Variants in HECTD4 observed in about 807,000 individuals in gnomAD.
HECTD4 encodes the protein HECT domain E3 ubiquitin protein ligase 4.
In HECTD4, 114 loss-of-function variants were observed where a neutral mutation model predicts 471.5. The observed-to-expected ratio is 0.24, with a 90% CI of 0.21 to 0.28. The LOEUF (loss-of-function observed/expected upper bound fraction) is 0.28. HECTD4 is among the 10% of genes least tolerant of loss of function. HECTD4 has a pLI of 1.00. For missense variants in HECTD4, 3,866 were observed against 5,651.5 expected, an observed-to-expected ratio of 0.68 and a Z score of 10.13; for synonymous variants, 2,012 against 2,256.0, an observed-to-expected ratio of 0.89 and a Z score of 3.07.
chr12:112,363,285 T>C (rs1355501307), intron 1 of HECTD4, among the ~76,000 whole-genome samples: 1 of 148,968 alleles, frequency 6.7e-6, no homozygotes, highest in Admixed American at 6.6e-5. Context: ...CTCTCTCTCT[T>C]ATATATAAAG....
chr12:112,177,102 T>C (rs2031477265), intron 64 of HECTD4, among the ~76,000 whole-genome samples: 1 of 152,252 alleles, frequency 6.6e-6, no homozygotes, highest in African/African-American at 2.4e-5. Context: ...TAGGGGCTGC[T>C]GTACCCACCA....
rs577685822 is a variant in HECTD4 at position 112,239,815 on chromosome 12, T to C, written c.5105+66A>G. 7.0e-7 allele frequency: 1 copy of C among 1,424,114 alleles called. No individual in the cohort carries two copies. The highest frequency in any genetic ancestry group is 2.3e-5 in the East Asian group (1 of 43,210). 88.2% of individuals were successfully genotyped at this position (1,424,114 alleles called of 1,614,324 possible). On this transcript the variant is annotated intron_variant, in intron 33 of 75. Transcript: ENST00000682272. This position sits in a 1 kb window ranked among gnomAD's most constrained non-coding sequence, Gnocchi z 4.9. ...AAAATCCAATTTTTAAAATTAAAAA[T>C]ACTTTCACTTAATCGACTATACTGC...
intron 55 of HECTD4, 56 bp downstream of exon 55, chr12:112,200,582 G>A (rs2032392033): frequency 6.4e-7 from 1 of 1,555,564 alleles, no homozygotes; most frequent in Non-Finnish European, 8.8e-7. Context: ...GGTACATGTG[G>A]TAGAGCGAAG....
chr12:112,292,935 T>C (rs1353142825), intron 7 of HECTD4, among the ~76,000 whole-genome samples: 1 of 151,744 alleles, frequency 6.6e-6, no homozygotes, highest in Non-Finnish European at 1.5e-5. Context: ...GGCAGGAGAA[T>C]TGCTTGAACC....
At chr12:112,217,300 T>TACAC (rs138913540) in intron 45 of HECTD4, 105 bp from the exon 46 acceptor site, 13 of 603,698 alleles carry the variant, frequency 2.2e-5, no homozygotes, top group African/African-American at 8.3e-5. Flanking sequence ...AATATAGGCA[T>TACAC]ACACACACAC....
At chr12:112,254,583 A>C (rs1362110652) in intron 21 of HECTD4, among the ~76,000 whole-genome samples, 25 of 152,226 alleles carry the variant, frequency 1.6e-4, no homozygotes, top group Non-Finnish European at 8.8e-5. Flanking sequence ...GCAAATACAG[A>C]TGGAAATATG....
At chr12:112,221,903 C>T (rs1445226523) in intron 44 of HECTD4, among the ~76,000 whole-genome samples, 5 of 148,870 alleles carry the variant, frequency 3.4e-5, no homozygotes, top group Middle Eastern at 3.5e-3. Context: ...TACAGGCACT[C>T]GCCCCCATGC....
At chr12:112,208,234 G>T (rs1248631457) in intron 51 of HECTD4, among the ~76,000 whole-genome samples, 1 of 152,192 alleles carries the variant, frequency 6.6e-6, no homozygotes, top group African/African-American at 2.4e-5. Context: ...ACTTTCACAG[G>T]ATTCTGAACT....
In HECTD4 at chr12:112,167,850, C is replaced by G; in HGVS notation, c.12276G>C (p.Leu4092=). 1 of 1,613,696 alleles carries G rather than the reference C, an allele frequency of 6.2e-7. No homozygotes were observed. The highest frequency in any genetic ancestry group is 8.5e-7 in the Non-Finnish European group (1 of 1,179,874). The part of the protein sequence containing the change: ...KELQSSSLSL[L]LLCPSSAVNK... ...TGACAGCTGAGCTGGGGCACAGCAGCAGCAGCGACAGCGAGGAACTCTGCA... is the reference window on the plus strand; with the variant it reads ...TGACAGCTGAGCTGGGGCACAGCAGGAGCAGCGACAGCGAGGAACTCTGCA... The change falls in exon 71 of 76, where the codon CTG becomes CTC. Residue 4092 remains leucine (L), a synonymous_variant. Transcript: ENST00000682272.
Position 112,176,581 on chromosome 12 carries a change from C to T in HECTD4, c.11470+15G>A, listed in dbSNP as rs376185377. The T allele has an allele frequency of 6.8e-5, 107 of 1,581,462 alleles. No individual in the cohort carries two copies. The Admixed American group carries it at 9.0e-4, about 13-fold the overall frequency. On this transcript the variant is annotated intron_variant, in intron 65 of 75. Transcript: ENST00000682272. ...GTAGGTCCCAGCCCACTCCAGGCCC[C>T]GTCTGCTCATTCACCTTCTTGTTTT... is the stretch of plus-strand genomic sequence containing the variant.
At chr12:112,216,406 A>T (rs775000535) in intron 47 of HECTD4, 35 bp from the exon 48 acceptor site, 2 of 1,430,616 alleles carry the variant, frequency 1.4e-6, no homozygotes, top group South Asian at 2.5e-5. Context: ...GTCAAAGACA[A>T]GAAAGATAAG....
intron 2 of HECTD4, 136 bp from the exon 3 acceptor site, chr12:112,314,682 T>A (rs2035443387): frequency 3.3e-6 from 2 of 607,682 alleles, no homozygotes; most frequent in Non-Finnish European, 5.8e-6. Context: ...GATGATGTGT[T>A]GTAAAAAAAA....
Position 112,228,256 on chromosome 12 carries a change from T to C in HECTD4, c.6687A>G (p.Ala2229=). The C allele has an allele frequency of 6.3e-7, 1 of 1,586,026 alleles. No homozygotes were observed. Among genetic ancestry groups the C allele is most frequent in the Non-Finnish European group, 8.6e-7 (1 of 1,168,954 alleles). ...TAATGGACAGTTTATGAAGAGGCAATGCCTGATGGCGGTGGGGGGGCATGG... is the reference window on the plus strand; with the variant it reads ...TAATGGACAGTTTATGAAGAGGCAACGCCTGATGGCGGTGGGGGGGCATGG... The part of the protein sequence containing the change: ...LSRLCVPRSE[A]LPLHKLSITE... The change falls in exon 43 of 76, where the codon GCA becomes GCG. Residue 2229 remains alanine, a splice_region_variant and synonymous_variant. Coordinates refer to ENST00000682272, the MANE Select transcript of HECTD4 (RefSeq NM_001388303.1). The surrounding 1 kb of genome is among the most constrained non-coding windows in gnomAD (Gnocchi z 4.9).
rs1163384462 is a variant in HECTD4 at position 112,269,768 on chromosome 12, A to G, written c.2257T>C (p.Leu753=). 6 of 1,613,888 alleles carry G rather than the reference A, an allele frequency of 3.7e-6. No individual in the cohort carries two copies. The highest frequency in any genetic ancestry group is 5.1e-6 in the Non-Finnish European group (6 of 1,179,890). Residue 753 remains leucine, a synonymous_variant, in exon 13 of 76, where the codon TTG becomes CTG. Transcript: ENST00000682272. ...IRRSGLLLWQ[L]LMAPKDQICP... ...ATTTGATCTTTTGGAGCCATCAACA[A>G]CTGCCAAAGAAGCAATCCCGACCGT... is the stretch of plus-strand genomic sequence containing the variant.
At position 112,183,202 on chromosome 12, in the gene HECTD4, C is replaced by T; in HGVS notation, c.10844G>A (p.Gly3615Asp). Reference sequence around the variant, plus strand: ...ATCTTCACCATCCAAACTTGACAAACCAATCAAGTCATTATTGTTAAATAA... The same window carrying T: ...ATCTTCACCATCCAAACTTGACAAATCAATCAAGTCATTATTGTTAAATAA... The part of the protein sequence containing the change: ...ASLFNNNDLI[G>D]LSSLDGEDEL... The change falls in exon 62 of 76, where the codon GGT becomes GAT. Residue 3615 changes from glycine (G) to aspartate (D), a missense_variant. Transcript: ENST00000682272. 1 of 1,613,954 alleles carries T rather than the reference C, an allele frequency of 6.2e-7. No individual in the cohort carries two copies. Among genetic ancestry groups the T allele is most frequent in the Non-Finnish European group, 8.5e-7 (1 of 1,179,862 alleles).
At chr12:112,379,468 C>T (rs368936555) in intron 1 of HECTD4, among the ~76,000 whole-genome samples, 3 of 152,170 alleles carry the variant, frequency 2.0e-5, no homozygotes, top group African/African-American at 4.8e-5. Context: ...CCAAGGCAGG[C>T]GGATCACCTG....
chr12:112,216,743 C>G, intron 47 of HECTD4, 30 bp downstream of exon 47: 1 of 1,608,604 alleles, frequency 6.2e-7, no homozygotes, highest in Non-Finnish European at 8.5e-7. Flanking sequence ...CTACTGCTCT[C>G]TGTCACACTG....
chr12:112,163,780 G>A lies in HECTD4; in HGVS notation c.12702-43C>T. ...ACAGGTGAGGGAGAACACCGCCGAA[G>A]AGGCTGGGTCTGGGGGCCACACCCA... On this transcript the variant is annotated intron_variant, in intron 73 of 75. Coordinates refer to ENST00000682272, the MANE Select transcript of HECTD4 (RefSeq NM_001388303.1). This position sits in a 1 kb window ranked among gnomAD's most constrained non-coding sequence, Gnocchi z 8.2. 1 of 1,413,622 alleles carries A rather than the reference G, an allele frequency of 7.1e-7. No individual in the cohort carries two copies. Among genetic ancestry groups the A allele is most frequent in the Non-Finnish European group, 9.3e-7 (1 of 1,077,480 alleles). The allele number at this position is 1,413,622 out of a possible 1,614,324, so 87.6% of individuals were successfully genotyped here.
chr12:112,379,307 CAAT>C (rs1488505644), intron 1 of HECTD4, among the ~76,000 whole-genome samples: 1 of 152,212 alleles, frequency 6.6e-6, no homozygotes, highest in Non-Finnish European at 1.5e-5. Context: ...TTCATCTGTA[CAAT>C]GAGTGCAATA....
Sources: gnomAD v4.1 joint callset for allele counts (sites outside exome capture counted in the v4.1 genomes callset) on GRCh38, gnomAD v4.1.1 for gene constraint, Gnocchi (gnomAD v3.1) non-coding constraint, MANE v1.5 for transcripts, NCBI Gene and HGNC (gene_info 2026-07-23, HGNC 2026-07-21) for gene names.